The following TIMM23 variants were observed in gnomAD, a reference collection of about 807,000 sequenced individuals.
The protein encoded by TIMM23 is mitochondrial import inner membrane translocase subunit Tim23.
TIMM23 carries 19 observed loss-of-function variants against 30.7 expected under a neutral mutation model. That is an observed-to-expected ratio of 0.62 (90% CI 0.43 to 0.91). TIMM23 has a LOEUF of 0.91. Among genes scored for constraint, TIMM23 ranks in the 40% least tolerant of loss-of-function variants. The pLI is 0.00. For missense variants in TIMM23, 202 were observed against 269.2 expected (o/e 0.75, Z 1.75); for synonymous variants, 78 against 98.5 (o/e 0.79, Z 1.23).
intron 5 of TIMM23, among the ~76,000 whole-genome samples, chr10:45,985,866 G>A (rs1837974934): frequency 6.6e-6 from 1 of 152,200 alleles, no homozygotes. Context: ...GTTTACCTGA[G>A]TAGATTTCAG....
intron 6 of TIMM23, among the ~76,000 whole-genome samples, chr10:45,992,065 CA>C (rs1243289969): frequency 2.0e-5 from 3 of 151,894 alleles, no homozygotes; most frequent in Admixed American, 6.6e-5. Context: ...CTCCTGGGCT[CA>C]AGGGATCCTC....
chr10:45,985,485 T>C, intron 5 of TIMM23, 44 bp downstream of exon 5: 1 of 1,604,958 alleles, frequency 6.2e-7, no homozygotes, highest in Non-Finnish European at 8.5e-7. Context: ...AAAGAAAGAA[T>C]GCACAAATAT....
intron 1 of TIMM23, among the ~76,000 whole-genome samples, chr10:45,974,946 C>T (rs1425815522): frequency 6.6e-6 from 1 of 151,420 alleles, no homozygotes; most frequent in Non-Finnish European, 1.5e-5. Flanking sequence ...TGGTAATGAC[C>T]CAAGGATTCT....
chr10:45,978,135 T>C (rs1305748515), intron 2 of TIMM23, among the ~76,000 whole-genome samples: 1 of 152,120 alleles, frequency 6.6e-6, no homozygotes, highest in Non-Finnish European at 1.5e-5. Context: ...GAGGATCACT[T>C]GAGCCCAGGA....
intron 2 of TIMM23, among the ~76,000 whole-genome samples, chr10:45,981,999 G>C (rs1179879434): frequency 6.6e-6 from 1 of 152,086 alleles, no homozygotes; most frequent in African/African-American, 2.4e-5. Flanking sequence ...ATAGCTTTCT[G>C]AGAGTATCAA....
chr10:45,974,382 T>C (rs1455733466), intron 1 of TIMM23, among the ~76,000 whole-genome samples: 1 of 152,176 alleles, frequency 6.6e-6, no homozygotes, highest in Non-Finnish European at 1.5e-5. Context: ...GTGACCCAAA[T>C]ACAGTACAAA....
Position 46,003,726 on chromosome 10 carries a change from T to C in TIMM23, c.*408T>C, listed in dbSNP as rs537201073. 2 of 154,740 alleles carry C rather than the reference T, an allele frequency of 1.3e-5. No individual in the cohort carries two copies. Among genetic ancestry groups the C allele is most frequent in the African/African-American group, 2.4e-5 (1 of 41,644 alleles). 9.6% of individuals were successfully genotyped at this position (154,740 alleles called of 1,614,324 possible). A position where few individuals can be genotyped will look rare whatever the true frequency, so the allele number is the denominator to read the frequency against. ...AAGGGTAAAAACAGAACCAAAGTTA[T>C]AACTCCAACACACAAACATAGTGGT... On this transcript the variant is annotated 3_prime_UTR_variant, in exon 7 of 7. Coordinates refer to ENST00000580018, the MANE Select transcript of TIMM23 (RefSeq NM_006327.4).
At chr10:45,995,933 G>C (rs1432765487) in intron 6 of TIMM23, among the ~76,000 whole-genome samples, 1 of 149,196 alleles carries the variant, frequency 6.7e-6, no homozygotes, top group Non-Finnish European at 1.5e-5. Context: ...CGTGATATTT[G>C]TGGTGGATGA....
chr10:45,985,440 G>A lies in TIMM23; in HGVS notation c.402G>A (p.Leu134=). The change falls in exon 5 of 7, where the codon CTG becomes CTA. Residue 134 remains leucine (L), a splice_region_variant and synonymous_variant. Coordinates refer to ENST00000580018, the MANE Select transcript of TIMM23 (RefSeq NM_006327.4). ...GALWANTLGS[L]ALLYSAFGVI... The stretch of plus-strand genomic sequence containing the variant: ...TTTGGGCTAATACTCTAGGTTCTCT[G>A]GGTAAGTAGAGATCTCATTTGATAA... The A allele has an allele frequency of 1.2e-6, 2 of 1,613,380 alleles. No homozygotes were observed. Among genetic ancestry groups the A allele is most frequent in the Admixed American group, 3.3e-5 (2 of 60,004 alleles).
intron 6 of TIMM23, among the ~76,000 whole-genome samples, chr10:45,998,572 T>C (rs1838416644): frequency 6.6e-6 from 1 of 152,170 alleles, no homozygotes; most frequent in African/African-American, 2.4e-5. Flanking sequence ...CATCAACCAA[T>C]TGGGAAACCC....
At chr10:45,993,999 T>C (rs1838251590) in intron 6 of TIMM23, among the ~76,000 whole-genome samples, 1 of 152,146 alleles carries the variant, frequency 6.6e-6, no homozygotes, top group Admixed American at 6.6e-5. Flanking sequence ...AGACTCCATC[T>C]TGAAATGAAA....
At chr10:45,998,291 A>G (rs1838409755) in intron 6 of TIMM23, 5 of 759,534 alleles carry the variant, frequency 6.6e-6, no homozygotes, top group African/African-American at 1.9e-5. Flanking sequence ...ATATCCCACA[A>G]ACAAGGCACT....
intron 6 of TIMM23, among the ~76,000 whole-genome samples, chr10:45,991,568 A>G (rs1314594522): frequency 6.6e-6 from 1 of 152,120 alleles, no homozygotes; most frequent in Non-Finnish European, 1.5e-5. Context: ...CCTGACCAAC[A>G]TAGAGAAATC....
chr10:45,989,013 G>C (rs2132265720), intron 6 of TIMM23, among the ~76,000 whole-genome samples, 166 bp downstream of exon 6: 1 of 152,242 alleles, frequency 6.6e-6, no homozygotes, highest in Non-Finnish European at 1.5e-5. Flanking sequence ...ATAAACATAA[G>C]ATTTACCCAT....
intron 1 of TIMM23, among the ~76,000 whole-genome samples, chr10:45,974,140 G>A (rs587657597): frequency 6.9e-4 from 101 of 146,940 alleles, no homozygotes; most frequent in African/African-American, 2.4e-3. Context: ...TCTGGGGGCA[G>A]GACTATAGTG....
intron 4 of TIMM23, among the ~76,000 whole-genome samples, chr10:45,983,161 A>G (rs1837894414): frequency 6.6e-6 from 1 of 152,262 alleles, no homozygotes; most frequent in African/African-American, 2.4e-5. Flanking sequence ...AGCTAGTGCT[A>G]TGCCAGCCTG....
intron 4 of TIMM23, chr10:45,984,916 A>G (rs1837952350): frequency 5.8e-6 from 1 of 173,244 alleles, no homozygotes; most frequent in African/African-American, 2.4e-5. Context: ...GTACTTTGAT[A>G]TTCTTTACTT....
At chr10:45,998,871 C>T (rs1278511255) in intron 6 of TIMM23, among the ~76,000 whole-genome samples, 6 of 141,386 alleles carry the variant, frequency 4.2e-5, no homozygotes, top group Middle Eastern at 3.9e-3. Context: ...CTTGCTGTAT[C>T]GCCGAGGCTA....
chr10:45,996,018 C>G (rs1394885540), intron 6 of TIMM23, among the ~76,000 whole-genome samples: 4 of 149,858 alleles, frequency 2.7e-5, no homozygotes, highest in Admixed American at 2.6e-4. Context: ...AAAATGCTGC[C>G]TTTCGGAGGC....
Sources: allele counts gnomAD v4.1 joint callset (sites outside exome capture counted in the v4.1 genomes callset), GRCh38; gene constraint gnomAD v4.1.1; transcripts MANE v1.5; gene names NCBI Gene and HGNC (gene_info 2026-07-23, HGNC 2026-07-21).